Variants in PPP2R5C observed in about 807,000 individuals in gnomAD.
The protein encoded by PPP2R5C is protein phosphatase 2 regulatory subunit B'gamma, also known as serine/threonine-protein phosphatase 2A 56 kDa regulatory subunit gamma isoform.
Under a neutral mutation model 68.9 loss-of-function variants are expected in PPP2R5C, and 7 were observed. That is an observed-to-expected ratio of 0.10 (90% CI 0.06 to 0.19). The LOEUF (loss-of-function observed/expected upper bound fraction) is 0.19. PPP2R5C is among the 10% of genes least tolerant of loss of function. PPP2R5C has a pLI of 1.00. For synonymous variants in PPP2R5C, 210 were observed against 222.2 expected (o/e 0.95, Z 0.49); for missense variants, 348 against 641.3 (o/e 0.54, Z 4.94).
intron 8 of PPP2R5C, among the ~76,000 whole-genome samples, chr14:101,900,045 C>T (rs2045588320): frequency 1.3e-5 from 2 of 152,012 alleles, no homozygotes; most frequent in Admixed American, 6.6e-5. Context: ...CATCACCACA[C>T]CAGGCTAATT....
chr14:101,857,751 G>T (rs956184046), intron 2 of PPP2R5C, among the ~76,000 whole-genome samples: 1 of 152,138 alleles, frequency 6.6e-6, no homozygotes, highest in Non-Finnish European at 1.5e-5. Context: ...TTTGAAACTA[G>T]TACCCCCCAC....
chr14:101,760,711 G>C (rs1404560825), upstream of PPP2R5C: 1 of 950,686 alleles, frequency 1.1e-6, no homozygotes, highest in African/African-American at 2.1e-5. Context: ...GGGAGGAGCT[G>C]CGGAAAGCTG....
chr14:101,871,247 T>G (rs1208076186), intron 2 of PPP2R5C, among the ~76,000 whole-genome samples: 1 of 151,964 alleles, frequency 6.6e-6, no homozygotes, highest in Non-Finnish European at 1.5e-5. Flanking sequence ...GTTGTTGTTG[T>G]TGTTGTTGTT....
At chr14:101,885,589 G>T (rs2044452131) in intron 5 of PPP2R5C, among the ~76,000 whole-genome samples, 1 of 152,210 alleles carries the variant, frequency 6.6e-6, no homozygotes, top group Non-Finnish European at 1.5e-5. Flanking sequence ...ACACCTGATA[G>T]GGCATTTCGG....
chr14:101,791,506 T>G lies in PPP2R5C; in HGVS notation c.259+5323T>G, dbSNP rs142936009. Among the ~76,000 whole-genome samples the G allele has an allele frequency of 1.6e-4, 24 of 152,322 alleles. No homozygotes were observed. In the East Asian group the frequency reaches 4.4e-3, roughly 28 times the overall value. On this transcript the variant is annotated intron_variant, in intron 3 of 14. Transcript: ENST00000328724. ...AATACACTGTGTATAAAATAGTGTT[T>G]TTATTATTATAGTCAGTAGACATAA...
intron 2 of PPP2R5C, among the ~76,000 whole-genome samples, chr14:101,859,401 G>C (rs1326946298): frequency 6.6e-6 from 1 of 152,222 alleles, no homozygotes; most frequent in Non-Finnish European, 1.5e-5. Context: ...AGACTGTCCT[G>C]TGAAGATGGG....
chr14:101,775,642 C>T lies in PPP2R5C; in HGVS notation c.94-10376C>T, dbSNP rs917697245. Among the ~76,000 whole-genome samples, 51 of 152,186 alleles carry T rather than the reference C, an allele frequency of 3.4e-4. 3 individuals carry two copies. The highest frequency in any genetic ancestry group is 2.6e-4 in the Admixed American group (4 of 15,284). On this transcript the variant is annotated intron_variant, in intron 2 of 14. Transcript: ENST00000328724. ...GGAAGACTTGGGAGAGGACCATGTA[C>T]CACTGAGGCAGGTAACACCCTTTGC...
intron 1 of PPP2R5C, among the ~76,000 whole-genome samples, chr14:101,829,033 T>C (rs1171814989): frequency 6.6e-6 from 1 of 152,162 alleles, no homozygotes; most frequent in Non-Finnish European, 1.5e-5. Flanking sequence ...CTTTTCACAG[T>C]GGAAAGTTGA....
upstream of PPP2R5C, chr14:101,761,678 C>T (rs1595091500): frequency 4.6e-6 from 1 of 215,718 alleles, no homozygotes. Flanking sequence ...GGCGGAGAGA[C>T]GCCGCCGCTG....
chr14:101,793,238 A>C (rs2038445408), intron 3 of PPP2R5C, among the ~76,000 whole-genome samples: 1 of 152,176 alleles, frequency 6.6e-6, no homozygotes, highest in South Asian at 2.1e-4. Flanking sequence ...TAGCAACCAA[A>C]ATCTGGGTCA....
chr14:101,773,688 G>A (rs2037268367), intron 2 of PPP2R5C, among the ~76,000 whole-genome samples: 1 of 152,098 alleles, frequency 6.6e-6, no homozygotes, highest in Admixed American at 6.5e-5. Flanking sequence ...CAGGGAGGGG[G>A]AGTTGTTTTG....
chr14:101,918,147 T>G (rs1418188377), intron 13 of PPP2R5C, among the ~76,000 whole-genome samples, 200 bp downstream of exon 15: 1 of 152,124 alleles, frequency 6.6e-6, no homozygotes, highest in African/African-American at 2.4e-5. Context: ...GGATTAAGTA[T>G]GTGCCTGAGA....
chr14:101,843,203 G>A (rs780798731), intron 1 of PPP2R5C, among the ~76,000 whole-genome samples: 8 of 152,176 alleles, frequency 5.3e-5, no homozygotes, highest in Non-Finnish European at 1.0e-4. Context: ...ACTCCCGCCT[G>A]GGTGACAGAG....
intron 10 of PPP2R5C, among the ~76,000 whole-genome samples, chr14:101,908,663 C>T (rs950289579): frequency 2.0e-5 from 3 of 151,834 alleles, no homozygotes; most frequent in Non-Finnish European, 2.9e-5. Flanking sequence ...TGTGAGCCAC[C>T]GCGCCTGGCT....
chr14:101,881,129 C>T (rs1484682475), intron 2 of PPP2R5C, among the ~76,000 whole-genome samples: 1 of 152,120 alleles, frequency 6.6e-6, no homozygotes, highest in East Asian at 1.9e-4. Flanking sequence ...TGACTCACGC[C>T]TGTAATCCCA....
At chr14:101,763,545 G>A (rs2036677497) in intron 2 of PPP2R5C, among the ~76,000 whole-genome samples, 1 of 152,046 alleles carries the variant, frequency 6.6e-6, no homozygotes, top group Admixed American at 6.5e-5. Context: ...ACCACGCCCG[G>A]CTAATTTTTG....
At chr14:101,818,350 G>A (rs918436313) in intron 1 of PPP2R5C, 1 of 152,030 alleles carries the variant, frequency 6.6e-6, no homozygotes, top group Non-Finnish European at 1.5e-5. Context: ...TTTAAAAGTT[G>A]GTATTACAGG....
chr14:101,802,379 A>G (rs1338046440), intron 3 of PPP2R5C, among the ~76,000 whole-genome samples: 1 of 152,054 alleles, frequency 6.6e-6, no homozygotes, highest in Non-Finnish European at 1.5e-5. Flanking sequence ...GCCACTGCAC[A>G]CCAGCCTTGT....
upstream of PPP2R5C, among the ~76,000 whole-genome samples, chr14:101,808,880 A>G (rs2039189694): frequency 1.3e-5 from 2 of 152,222 alleles, no homozygotes; most frequent in African/African-American, 2.4e-5. Context: ...TTTGTAGGGA[A>G]TCATCTCACC....
Sources: allele counts gnomAD v4.1 joint callset (sites outside exome capture counted in the v4.1 genomes callset), GRCh38; gene constraint gnomAD v4.1.1; transcripts MANE v1.5; gene names NCBI Gene and HGNC (gene_info 2026-07-23, HGNC 2026-07-21).